Variants in SLC9A8 observed in about 807,000 individuals in gnomAD.
SLC9A8 encodes solute carrier family 9 member A8.
Under a neutral mutation model 66.6 loss-of-function variants are expected in SLC9A8, and 48 were observed. The observed-to-expected ratio is 0.72, with a 90% confidence interval of 0.57 to 0.92. The LOEUF (loss-of-function observed/expected upper bound fraction) is 0.92, where lower values mean the gene tolerates loss of function less well. Among genes scored for constraint, SLC9A8 ranks in the 40% least tolerant of loss-of-function variants. The probability of loss-of-function intolerance (pLI) is 0.00; values close to 1 mark genes in which losing one functional copy is unlikely to be tolerated. For synonymous variants in SLC9A8, 274 were observed against 282.6 expected, an observed-to-expected ratio of 0.97 and a Z score of 0.31; for missense variants, 599 against 747.3, an observed-to-expected ratio of 0.80 and a Z score of 2.31.
In SLC9A8 at chr20:49,876,383, C is replaced by T. The variant is rs1208274416; in HGVS notation, c.1075+1562C>T. On this transcript the variant is annotated intron_variant, in intron 11 of 15. Coordinates refer to ENST00000361573, the MANE Select transcript of SLC9A8 (RefSeq NM_015266.3). ...TGATAATACCCACTTCTGGCCTTGG[C>T]GTGTGGAAAACAGGCCTACTGGAAT... 1.1e-4 allele frequency among the ~76,000 whole-genome samples: 16 copies of T among 152,266 alleles called. No individual in the cohort carries two copies. In the South Asian group the frequency reaches 2.3e-3, roughly 22 times the overall value.
At chr20:49,858,381 T>C (rs2088593688) in intron 8 of SLC9A8, among the ~76,000 whole-genome samples, 1 of 150,614 alleles carries the variant, frequency 6.6e-6, no homozygotes, top group Non-Finnish European at 1.5e-5. Flanking sequence ...TTTTTACTTT[T>C]ATCTCGTATC....
At chr20:49,885,813 GCA>G (rs2089867711) in intron 14 of SLC9A8, among the ~76,000 whole-genome samples, 2 of 152,188 alleles carry the variant, frequency 1.3e-5, no homozygotes, top group Non-Finnish European at 2.9e-5. Flanking sequence ...ACAGCTGTGG[GCA>G]CAGACTCCCG....
chr20:49,874,883 C>G (rs2089363036), intron 11 of SLC9A8, 62 bp downstream of exon 11: 1 of 1,169,740 alleles, frequency 8.5e-7, no homozygotes, highest in Admixed American at 1.7e-5. Context: ...GCTTCCTTAT[C>G]CTGTTTGAGA....
At chr20:49,840,903 G>A (rs2087729031) in intron 4 of SLC9A8, among the ~76,000 whole-genome samples, 1 of 151,666 alleles carries the variant, frequency 6.6e-6, no homozygotes, top group Non-Finnish European at 1.5e-5. Flanking sequence ...GATCACCTGA[G>A]CTCAGGAGCT....
At chr20:49,824,988 T>TTGATGCTGCTGAATGAGAGTG (rs1308751607) in intron 3 of SLC9A8, among the ~76,000 whole-genome samples, 4 of 152,188 alleles carry the variant, frequency 2.6e-5, no homozygotes, top group Non-Finnish European at 5.9e-5. Flanking sequence ...CTTCATTTCT[T>TTGATGCTGCTGAATGAGAGTG]TGATGCTGCT....
chr20:49,881,162 G>A (rs1226610992), intron 13 of SLC9A8, 127 bp downstream of exon 13: 2 of 662,464 alleles, frequency 3.0e-6, no homozygotes, highest in African/African-American at 3.6e-5. Context: ...CCCGTTTAAT[G>A]GCACCCACTG....
In SLC9A8 at chr20:49,827,604, G is replaced by GA. The variant is rs75265328; in HGVS notation, c.289+4478dup. ...GGGCAACAGATAGAGACTGCATCTC[G>GA]AAAAAAAAAAAAAAAGAAAAAGAAA... On this transcript the variant is annotated intron_variant, in intron 3 of 15. Transcript: ENST00000361573. Among the ~76,000 whole-genome samples the GA allele has an allele frequency of 8.4e-3, 873 of 104,250 alleles. 3 individuals are homozygous for GA. The highest frequency in any genetic ancestry group is 0.011 in the Non-Finnish European group (552 of 50,450). 68.4% of individuals were successfully genotyped at this position (104,250 alleles called of 152,430 possible).
chr20:49,830,622 T>G lies in SLC9A8; in HGVS notation c.289+7481T>G, dbSNP rs1600664101. 2.3e-5 allele frequency: 14 copies of G among 617,010 alleles called. No homozygotes were observed. In the South Asian group the frequency reaches 2.6e-4, roughly 12 times the overall value. The allele number at this position is 617,010 out of a possible 1,614,324, so 38.2% of individuals were successfully genotyped here. On this transcript the variant is annotated intron_variant, in intron 3 of 15. Coordinates refer to ENST00000361573, the MANE Select transcript of SLC9A8 (RefSeq NM_015266.3). Reference sequence around the variant, plus strand: ...TCAGCAGCTTTCTAATCACAGAATGTTGGTGATCTTAGCAGCTGGAGACAG... The same window carrying G: ...TCAGCAGCTTTCTAATCACAGAATGGTGGTGATCTTAGCAGCTGGAGACAG...
At chr20:49,841,844 C>T (rs1386609035) in intron 4 of SLC9A8, among the ~76,000 whole-genome samples, 1 of 151,870 alleles carries the variant, frequency 6.6e-6, no homozygotes. Flanking sequence ...ATCCACCCAC[C>T]TTGTCCTCCC....
intron 14 of SLC9A8, among the ~76,000 whole-genome samples, chr20:49,884,759 G>T (rs1283227904): frequency 6.6e-6 from 1 of 152,102 alleles, no homozygotes; most frequent in African/African-American, 2.4e-5. Context: ...AGGTTCTGCA[G>T]CCTGCCCACC....
chr20:49,874,919 C>A, intron 11 of SLC9A8, 98 bp downstream of exon 11: 1 of 823,012 alleles, frequency 1.2e-6, no homozygotes, highest in Non-Finnish European at 2.1e-6. Flanking sequence ...TCCCTGGCAG[C>A]AGGGCAGCAG....
chr20:49,833,535 T>C (rs1227470646), intron 3 of SLC9A8, among the ~76,000 whole-genome samples: 1 of 152,256 alleles, frequency 6.6e-6, no homozygotes, highest in Non-Finnish European at 1.5e-5. Flanking sequence ...ACAGTCATAA[T>C]GGTAGCCCTG....
intron 3 of SLC9A8, among the ~76,000 whole-genome samples, chr20:49,836,308 A>G (rs1306641592): frequency 1.3e-5 from 2 of 151,754 alleles, no homozygotes; most frequent in Admixed American, 6.6e-5. Context: ...TTGTTTACTC[A>G]CTCATTAGTT....
intron 10 of SLC9A8, among the ~76,000 whole-genome samples, chr20:49,874,124 G>A (rs1439126446): frequency 6.6e-6 from 1 of 152,060 alleles, no homozygotes; most frequent in East Asian, 1.9e-4. Context: ...GGTGATGCGT[G>A]CCTGTAGTAG....
At chr20:49,831,400 ACACTCTCT>A (rs1452346561) in intron 3 of SLC9A8, among the ~76,000 whole-genome samples, 34 of 139,834 alleles carry the variant, frequency 2.4e-4, no homozygotes, top group Non-Finnish European at 4.6e-4. Context: ...AAACACACAC[ACACTCTCT>A]CTCTCTCTCT....
chr20:49,869,531 C>G (rs2089120284), intron 10 of SLC9A8, among the ~76,000 whole-genome samples: 2 of 146,434 alleles, frequency 1.4e-5, no homozygotes, highest in South Asian at 5.0e-4. Context: ...CAACATAACA[C>G]TTTCTTAAGA....
intron 10 of SLC9A8, 29 bp downstream of exon 10, chr20:49,864,873 T>A: frequency 7.0e-7 from 1 of 1,423,280 alleles, no homozygotes; most frequent in Non-Finnish European, 9.9e-7. Flanking sequence ...GAAAGTGCTG[T>A]GGTGATGGCA....
At chr20:49,830,184 C>T (rs909029778) in intron 3 of SLC9A8, 20 of 780,152 alleles carry the variant, frequency 2.6e-5, no homozygotes, top group South Asian at 5.4e-5. Context: ...CACCTCCATC[C>T]GGGCAGCTGA....
At chr20:49,813,514 C>A (rs2086435398) in intron 1 of SLC9A8, among the ~76,000 whole-genome samples, 1 of 152,150 alleles carries the variant, frequency 6.6e-6, no homozygotes, top group Admixed American at 6.5e-5. Context: ...GGTTTCAGAT[C>A]GTGATTAATT....
Sources: allele counts gnomAD v4.1 joint callset (sites outside exome capture counted in the v4.1 genomes callset), GRCh38; gene constraint gnomAD v4.1.1; transcripts MANE v1.5; gene names NCBI Gene and HGNC (gene_info 2026-07-23, HGNC 2026-07-21).